CAMTA2: variants seen among roughly 807,000 people sequenced by gnomAD.
The protein encoded by CAMTA2 is calmodulin-binding transcription activator 2.
CAMTA2 carries 56 observed loss-of-function variants against 135.7 expected under a neutral mutation model. The ratio of observed to expected loss-of-function variants is 0.41; its 90% CI spans 0.33 to 0.52. The LOEUF (loss-of-function observed/expected upper bound fraction) is 0.52. Among genes scored for constraint, CAMTA2 ranks in the 20% least tolerant of loss-of-function variants. The pLI is 0.16. For missense variants in CAMTA2, 1,358 were observed against 1,553.4 expected (o/e 0.87, Z 2.11); for synonymous variants, 591 against 604.6 (o/e 0.98, Z 0.33).
chr17:4,981,564 C>T, intron 7 of CAMTA2, 114 bp downstream of exon 7: 1 of 1,361,926 alleles, frequency 7.3e-7, no homozygotes, highest in Non-Finnish European at 1.0e-6. Flanking sequence ...CTAGCACCCT[C>T]CCAGCTTGGA....
At position 4,981,671 on chromosome 17, in the gene CAMTA2, G is replaced by A. The variant is rs748390675; in HGVS notation, c.565+7C>T. On this transcript the variant is annotated splice_region_variant and intron_variant, in intron 7 of 22. Transcript: ENST00000348066. ...CTTGGAGCTCTATCCCCACCCTGCT[G>A]CCTTACACATGGGCTTCAGCTGTCC... 6.3e-7 allele frequency: 1 copy of A among 1,592,432 alleles called. No individual in the cohort carries two copies. Among genetic ancestry groups the A allele is most frequent in the Non-Finnish European group, 8.6e-7 (1 of 1,167,766 alleles).
chr17:4,970,335 G>A lies in CAMTA2; in HGVS notation c.3005+5C>T, dbSNP rs1330471120. ...AATCTGGAGGCTTTGTCCTGAGCTA[G>A]TCACCTGGGAGGGGTTGAGCTGGGG... On this transcript the variant is annotated splice_donor_5th_base_variant and intron_variant, in intron 17 of 22. Coordinates refer to ENST00000348066, the MANE Select transcript of CAMTA2 (RefSeq NM_015099.4). 1 of 1,613,928 alleles carries A rather than the reference G, an allele frequency of 6.2e-7. No homozygotes were observed. Among genetic ancestry groups the A allele is most frequent in the Non-Finnish European group, 8.5e-7 (1 of 1,179,870 alleles).
At chr17:4,987,461 C>A in intron 1 of CAMTA2, 132 bp downstream of exon 1, 1 of 1,382,200 alleles carries the variant, frequency 7.2e-7, no homozygotes. Flanking sequence ...GGGAGGAGGA[C>A]GGAAGCGGGA....
chr17:4,971,691 CTTTT>C (rs748274165), intron 16 of CAMTA2, among the ~76,000 whole-genome samples: 4,218 of 131,854 alleles, frequency 0.032, 185 homozygotes, highest in African/African-American at 0.11. Context: ...ACTATTTTGT[CTTTT>C]TTTTTTTTTT....
Position 4,970,334 on chromosome 17 carries a change from A to G in CAMTA2, c.3005+6T>C, listed in dbSNP as rs1483048252. On this transcript the variant is annotated splice_donor_region_variant and intron_variant, in intron 17 of 22. Transcript: ENST00000348066. ...GAATCTGGAGGCTTTGTCCTGAGCT[A>G]GTCACCTGGGAGGGGTTGAGCTGGG... 6.2e-7 allele frequency: 1 copy of G among 1,613,872 alleles called. No individual in the cohort carries two copies. Among genetic ancestry groups the G allele is most frequent in the Admixed American group, 1.7e-5 (1 of 60,030 alleles).
At chr17:4,977,010 T>TTAAA (rs1243935025) in intron 11 of CAMTA2, 48 bp downstream of exon 11, 1 of 1,606,242 alleles carries the variant, frequency 6.2e-7, no homozygotes, top group African/African-American at 1.3e-5. Context: ...CATGTCATGC[T>TTAAA]TAAAGGCTGT....
chr17:4,986,617 G>C (rs1301632487), intron 1 of CAMTA2: 8 of 516,428 alleles, frequency 1.5e-5, no homozygotes, highest in Non-Finnish European at 2.4e-5. Flanking sequence ...CAGGTCCTGG[G>C]GGTTGGGACT....
chr17:4,973,877 C>T, intron 12 of CAMTA2, 108 bp from the exon 13 acceptor site: 1 of 843,096 alleles, frequency 1.2e-6, no homozygotes, highest in Admixed American at 2.9e-5. Context: ...TTGCCCCCTC[C>T]CCACATGTCC....
Position 4,986,203 on chromosome 17 carries a change from G to A in CAMTA2, c.20C>T (p.Thr7Ile), listed in dbSNP as rs776705089. The A allele has an allele frequency of 1.2e-6, 2 of 1,603,926 alleles. No homozygotes were observed. Among genetic ancestry groups the A allele is most frequent in the Admixed American group, 1.7e-5 (1 of 60,004 alleles). Residue 7 changes from threonine (T) to isoleucine (I), a missense_variant, in exon 2 of 23, where the codon ACC becomes ATC. Physicochemically the swap from Thr to Ile is moderately conservative, Grantham distance 89. Around this residue, in one of 4 missense-constraint regions of CAMTA2, gnomAD observed 105 missense variants for 190.9 expected, o/e 0.55. Coordinates refer to ENST00000348066, the MANE Select transcript of CAMTA2 (RefSeq NM_015099.4). ...GTTTGTGAACTTACCAGCAACCTCG[G>A]TGGTGTCCTTGGTATTCATGGTGAG... MNTKDT[T>I]EVAENSHHLK...
Position 4,968,727 on chromosome 17 carries a change from C to G in CAMTA2, c.*29G>C. 1.2e-6 allele frequency: 2 copies of G among 1,613,684 alleles called. No homozygotes were observed. Among genetic ancestry groups the G allele is most frequent in the Non-Finnish European group, 1.7e-6 (2 of 1,179,934 alleles). ...CCTGTTAAGACTGCACGAGGCGCCC[C>G]CAGGGTGGTGAGAAAGGCGGTGGCC... On this transcript the variant is annotated 3_prime_UTR_variant, in exon 23 of 23. Coordinates refer to ENST00000348066, the MANE Select transcript of CAMTA2 (RefSeq NM_015099.4).
intron 3 of CAMTA2, among the ~76,000 whole-genome samples, chr17:4,985,135 A>G (rs4790721): frequency 0.82 from 123,905 of 151,882 alleles, 51,416 homozygotes; most frequent in African/African-American, 0.93. Flanking sequence ...GCAGTGAGCC[A>G]AGATCGCGCC....
chr17:4,973,818 GCTTGAGGTGGCCTTGGCCACCT>G (rs1213390538), intron 12 of CAMTA2, 49 bp from the exon 13 acceptor site: 6 of 1,509,794 alleles, frequency 4.0e-6, no homozygotes, highest in Non-Finnish European at 5.3e-6. Context: ...TACTCCCCTG[GCTTGAGGTGGCCTTGGCCACCT>G]CACATCTGTC....
Position 4,972,350 on chromosome 17 carries a change from T to C in CAMTA2, c.2690A>G (p.Asp897Gly), listed in dbSNP as rs778829811. ...GVPEAPLLLM[D>G]YEATNSKGPL... ...CCCCTTGGAGTTGGTAGCCTCATAGTCCATGAGGAGTAGGGGGGCTTCTGG... is the reference window on the plus strand; with the variant it reads ...CCCCTTGGAGTTGGTAGCCTCATAGCCCATGAGGAGTAGGGGGGCTTCTGG... Residue 897 changes from aspartate to glycine, a missense_variant, in exon 16 of 23, where the codon GAC becomes GGC. Transcript: ENST00000348066. 2.5e-5 allele frequency: 40 copies of C among 1,613,100 alleles called. No homozygotes were observed. Among genetic ancestry groups the C allele is most frequent in the Middle Eastern group, 1.6e-4 (1 of 6,084 alleles).
intron 16 of CAMTA2, among the ~76,000 whole-genome samples, chr17:4,971,768 A>C (rs139635547): frequency 0.024 from 3,457 of 144,796 alleles, 135 homozygotes; most frequent in African/African-American, 0.084. Flanking sequence ...GGCTCACTGC[A>C]GCCTGTGCCT....
In CAMTA2 at chr17:4,985,955, G is replaced by T. The variant is rs1452594512; in HGVS notation, c.60C>A (p.Leu20=). ...GAAGACACTCCAGCAGCTTCTTGGG[G>T]AGAAAGATCTTCAGGTGGTGGCTGT... ...AENSHHLKIF[L]PKKLLECLPR... is the part of the protein sequence containing the mutation. The change falls in exon 3 of 23, where the codon CTC becomes CTA. Residue 20 remains leucine, a synonymous_variant. Coordinates refer to ENST00000348066, the MANE Select transcript of CAMTA2 (RefSeq NM_015099.4). 1 of 1,613,982 alleles carries T rather than the reference G, an allele frequency of 6.2e-7. No individual in the cohort carries two copies. The highest frequency in any genetic ancestry group is 8.5e-7 in the Non-Finnish European group (1 of 1,179,858).
In CAMTA2 at chr17:4,973,484, A is replaced by G. The variant is rs769222559; in HGVS notation, c.2201+101T>C. 252 of 1,247,518 alleles carry G rather than the reference A, an allele frequency of 2.0e-4. No homozygotes were observed. In the Middle Eastern group the frequency reaches 2.3e-3, roughly 11 times the overall value. The allele number at this position is 1,247,518 out of a possible 1,614,324, so 77.3% of individuals were successfully genotyped here. ...CCCCTCCCTTCCCACAATGACCCCA[A>G]CTCCCTCTTGGTAGGGCCCCAGGTC... On this transcript the variant is annotated intron_variant, in intron 13 of 22. Transcript: ENST00000348066.
At position 4,968,475 on chromosome 17, in the gene CAMTA2, G is replaced by T; in HGVS notation, c.*281C>A. 1.8e-6 allele frequency: 1 copy of T among 558,042 alleles called. No homozygotes were observed. 34.6% of individuals were successfully genotyped at this position (558,042 alleles called of 1,614,324 possible). On this transcript the variant is annotated 3_prime_UTR_variant, in exon 23 of 23. Transcript: ENST00000348066. ...GTCGGGTGCAGGCAGGAGGAGCTGG[G>T]GAGCAGGGGCAGGCAGGGCTCCGGA...
At position 4,968,755 on chromosome 17, in the gene CAMTA2, G is replaced by A. The variant is rs1442451130; in HGVS notation, c.*1C>T. ...GGGTGGTGAGAAAGGCGGTGGCCAG[G>A]TCATGTGGCCAGTCCCGGCTGGGGA... On this transcript the variant is annotated 3_prime_UTR_variant, in exon 23 of 23. Transcript: ENST00000348066. 6.2e-7 allele frequency: 1 copy of A among 1,614,116 alleles called. No individual in the cohort carries two copies. The highest frequency in any genetic ancestry group is 1.7e-5 in the Admixed American group (1 of 60,032).
Position 4,980,418 on chromosome 17 carries a change from CA to C in CAMTA2, c.903del (p.Phe301LeufsTer5). On this transcript the variant is annotated frameshift_variant, in exon 9 of 23. Coordinates refer to ENST00000348066, the MANE Select transcript of CAMTA2 (RefSeq NM_015099.4). LOFTEE classifies it high-confidence loss of function. This position sits in a 1 kb window ranked among gnomAD's most constrained non-coding sequence, Gnocchi z 5.3. Reference protein sequence around the residue: ...SSSSSSSSSGFAEPLEIRPSP... With the variant: ...SSSSSSSSSGXAEPLEIRPSP... ...CTAGGTCTGATTTCTAGGGGCTCTG[CA>C]AAACCTGATGAGGAGGAAGAAGAGG... is the stretch of plus-strand genomic sequence containing the variant. 6.2e-7 allele frequency: 1 copy of C among 1,611,276 alleles called. No homozygotes were observed. The highest frequency in any genetic ancestry group is 8.5e-7 in the Non-Finnish European group (1 of 1,179,700).
Sources: gnomAD v4.1 joint callset for allele counts (sites outside exome capture counted in the v4.1 genomes callset) on GRCh38, gnomAD v4.1.1 for gene constraint, gnomAD v4.1.1 regional missense constraint, Gnocchi (gnomAD v3.1) non-coding constraint, MANE v1.5 for transcripts, NCBI Gene and HGNC (gene_info 2026-07-23, HGNC 2026-07-21) for gene names.